LDLRAD3: variants seen among roughly 807,000 people sequenced by gnomAD.
The protein encoded by LDLRAD3 is low density lipoprotein receptor class A domain containing 3.
LDLRAD3 carries 20 observed loss-of-function variants against 29.4 expected under a neutral mutation model. That is an observed-to-expected ratio of 0.68 (90% confidence interval 0.48 to 0.99). The LOEUF (loss-of-function observed/expected upper bound fraction) is 0.99, where lower values mean the gene tolerates loss of function less well. Among genes scored for constraint, LDLRAD3 ranks in the 50% least tolerant of loss-of-function variants. The probability of loss-of-function intolerance (pLI) is 0.00; values close to 1 mark genes in which losing one functional copy is unlikely to be tolerated. For synonymous variants in LDLRAD3, 157 were observed against 192.7 expected, an observed-to-expected ratio of 0.81 and a Z score of 1.53; for missense variants, 420 against 454.3, an observed-to-expected ratio of 0.92 and a Z score of 0.69.
chr11:36,099,868 A>G (rs1030858624), intron 4 of LDLRAD3, among the ~76,000 whole-genome samples: 1 of 152,198 alleles, frequency 6.6e-6, no homozygotes, highest in Non-Finnish European at 1.5e-5. Flanking sequence ...ATTTGTGCAG[A>G]GAACAGCTGT....
At chr11:36,146,623 A>G (rs1854198250) in intron 4 of LDLRAD3, among the ~76,000 whole-genome samples, 1 of 152,128 alleles carries the variant, frequency 6.6e-6, no homozygotes, top group Non-Finnish European at 1.5e-5. Flanking sequence ...AATTCACTGC[A>G]TACCTTTCTC....
intron 1 of LDLRAD3, chr11:35,967,860 C>A (rs1851361735): frequency 2.4e-6 from 1 of 409,300 alleles, no homozygotes; most frequent in South Asian, 1.9e-5. Flanking sequence ...ATATGGTTAT[C>A]TTCTGCCTGT....
intron 1 of LDLRAD3, among the ~76,000 whole-genome samples, chr11:36,009,114 C>T (rs1046602423): frequency 6.6e-6 from 1 of 152,120 alleles, no homozygotes; most frequent in Non-Finnish European, 1.5e-5. Flanking sequence ...ATCCTGGTTT[C>T]CTGGTATCCA....
chr11:36,096,274 CT>C (rs1853359772), intron 3 of LDLRAD3, among the ~76,000 whole-genome samples: 1 of 152,230 alleles, frequency 6.6e-6, no homozygotes, highest in African/African-American at 2.4e-5. Flanking sequence ...CAGCTGTGAT[CT>C]CTGTGTGTTC....
At chr11:36,030,080 G>A (rs1852216771) in intron 1 of LDLRAD3, among the ~76,000 whole-genome samples, 1 of 152,220 alleles carries the variant, frequency 6.6e-6, no homozygotes, top group African/African-American at 2.4e-5. Context: ...GGAGGCTGGG[G>A]CTACTGGAAT....
At chr11:36,099,298 C>T (rs1853411196) in intron 4 of LDLRAD3, among the ~76,000 whole-genome samples, 1 of 151,534 alleles carries the variant, frequency 6.6e-6, no homozygotes, top group Non-Finnish European at 1.5e-5. Context: ...TTTCTTTACT[C>T]ATGGACTCTT....
chr11:36,137,543 T>C (rs1170922151), intron 4 of LDLRAD3, among the ~76,000 whole-genome samples: 1 of 152,208 alleles, frequency 6.6e-6, no homozygotes, highest in East Asian at 1.9e-4. Context: ...ATGCCACTCA[T>C]CTGCAGTCAG....
intron 4 of LDLRAD3, among the ~76,000 whole-genome samples, chr11:36,194,420 T>C (rs1253492213): frequency 6.6e-6 from 1 of 152,184 alleles, no homozygotes; most frequent in East Asian, 1.9e-4. Context: ...ATTGTGTATC[T>C]GGAAGGAGAG....
At chr11:35,992,495 T>C (rs1008297999) in intron 1 of LDLRAD3, among the ~76,000 whole-genome samples, 2 of 152,174 alleles carry the variant, frequency 1.3e-5, no homozygotes, top group Non-Finnish European at 2.9e-5. Context: ...ATCTATACAA[T>C]GGGATATTAT....
chr11:35,970,730 G>C (rs1024170328), intron 1 of LDLRAD3, among the ~76,000 whole-genome samples: 1 of 152,154 alleles, frequency 6.6e-6, no homozygotes, highest in Non-Finnish European at 1.5e-5. Flanking sequence ...GCATAATGCC[G>C]CTGCCAAGTC....
intron 4 of LDLRAD3, among the ~76,000 whole-genome samples, chr11:36,111,150 G>A (rs1345834670): frequency 1.3e-5 from 2 of 151,986 alleles, no homozygotes; most frequent in African/African-American, 2.4e-5. Flanking sequence ...GAAATGAGAT[G>A]TTCAACCCTG....
chr11:36,116,906 A>G (rs1010463952), intron 4 of LDLRAD3, among the ~76,000 whole-genome samples: 3 of 150,658 alleles, frequency 2.0e-5, no homozygotes, highest in African/African-American at 7.3e-5. Context: ...CAGTAGCGCA[A>G]TCTTGGGTCA....
intron 2 of LDLRAD3, among the ~76,000 whole-genome samples, chr11:36,054,516 CT>C (rs975466966): frequency 1.3e-5 from 2 of 152,236 alleles, no homozygotes; most frequent in Non-Finnish European, 2.9e-5. Flanking sequence ...CCTTCTTTTC[CT>C]TCTAAATAGA....
chr11:36,165,613 A>G (rs953698394), intron 4 of LDLRAD3, among the ~76,000 whole-genome samples: 1 of 152,140 alleles, frequency 6.6e-6, no homozygotes, highest in Non-Finnish European at 1.5e-5. Context: ...CTAAGTGTTG[A>G]TTGAGCCTTT....
chr11:36,204,192 A>G (rs566703869), intron 4 of LDLRAD3, among the ~76,000 whole-genome samples: 7 of 152,198 alleles, frequency 4.6e-5, no homozygotes, highest in Non-Finnish European at 7.3e-5. Context: ...TGTGCATGTC[A>G]GAGGAAAATC....
chr11:36,156,121 A>T (rs895638250), intron 4 of LDLRAD3, among the ~76,000 whole-genome samples: 2 of 152,224 alleles, frequency 1.3e-5, no homozygotes, highest in Non-Finnish European at 2.9e-5. Flanking sequence ...GCGATGTGTC[A>T]GAAGTCCTTT....
At chr11:35,981,747 G>A (rs923555397) in intron 1 of LDLRAD3, among the ~76,000 whole-genome samples, 2 of 152,270 alleles carry the variant, frequency 1.3e-5, no homozygotes, top group African/African-American at 4.8e-5. Flanking sequence ...CCATCAAGTT[G>A]GCATTTCCCT....
Position 35,986,621 on chromosome 11 carries a change from T to C in LDLRAD3, c.46+42477T>C, listed in dbSNP as rs116187225. On this transcript the variant is annotated intron_variant, in intron 1 of 5. Coordinates refer to ENST00000315571, the MANE Select transcript of LDLRAD3 (RefSeq NM_174902.4). The stretch of plus-strand genomic sequence containing the variant: ...TCTACCTGTCTTGGTCACTTTCTCC[T>C]GGCTGATTGAGACTCCACCGTCTGC... Among the ~76,000 whole-genome samples, 1,088 of 152,314 alleles carry C rather than the reference T, an allele frequency of 7.1e-3. 14 individuals carry two copies. The highest frequency in any genetic ancestry group is 0.025 in the African/African-American group (1,030 of 41,566).
chr11:36,039,667 AC>A (rs777542820), intron 2 of LDLRAD3, among the ~76,000 whole-genome samples: 134 of 152,318 alleles, frequency 8.8e-4, no homozygotes, highest in Non-Finnish European at 1.7e-3. Context: ...TTTCTACTTA[AC>A]ATTAGAGGCC....
Sources: gnomAD v4.1 joint callset for allele counts (sites outside exome capture counted in the v4.1 genomes callset) on GRCh38, gnomAD v4.1.1 for gene constraint, MANE v1.5 for transcripts, NCBI Gene and HGNC (gene_info 2026-07-23, HGNC 2026-07-21) for gene names.